ABCC12: variants seen among roughly 807,000 people sequenced by gnomAD.
The protein encoded by ABCC12 is ATP-binding cassette sub-family C member 12.
A neutral mutation model predicts 151.1 loss-of-function variants in ABCC12; 142 were observed. The observed-to-expected ratio is 0.94, with a 90% CI of 0.82 to 1.08. The LOEUF (loss-of-function observed/expected upper bound fraction) is 1.08. Among genes scored for constraint, ABCC12 ranks in the 50% least tolerant of loss-of-function variants. The probability of loss-of-function intolerance (pLI) is 0.00; values close to 1 mark genes in which losing one functional copy is unlikely to be tolerated. For missense variants in ABCC12, 1,638 were observed against 1,691.1 expected, an observed-to-expected ratio of 0.97 and a Z score of 0.55; for synonymous variants, 645 against 646.4, an observed-to-expected ratio of 1.00 and a Z score of 0.03.
intron 23 of ABCC12, 24 bp downstream of exon 23, chr16:48,100,848 G>T: frequency 6.2e-7 from 1 of 1,611,488 alleles, no homozygotes; most frequent in Non-Finnish European, 8.5e-7. Context: ...GGGGGCCTGG[G>T]GCAGGGCCCC....
Position 48,081,307 on chromosome 16 carries a change from C to T in ABCC12, c.*2408G>A, listed in dbSNP as rs542381853. On this transcript the variant is annotated 3_prime_UTR_variant, in exon 31 of 31. Coordinates refer to ENST00000311303, the MANE Select transcript of ABCC12 (RefSeq NM_001393797.1). ...CATAGTCTCCCCTTGGCTGACATGG[C>T]AGTGATAGCAAGGGGTTGGGGTGGG... 2.0e-4 allele frequency among the ~76,000 whole-genome samples: 31 copies of T among 152,260 alleles called. No individual in the cohort carries two copies. The highest frequency in any genetic ancestry group is 6.8e-3 in the Middle Eastern group (2 of 294).
intron 19 of ABCC12, 49 bp from the exon 20 acceptor site, chr16:48,107,474 G>T (rs769062365): frequency 6.5e-6 from 10 of 1,535,538 alleles, no homozygotes; most frequent in Non-Finnish European, 9.0e-6. Context: ...TGAGCACATG[G>T]CAGGGGCTGA....
At chr16:48,089,991 A>G (rs1478210864) in intron 25 of ABCC12, among the ~76,000 whole-genome samples, 2 of 150,776 alleles carry the variant, frequency 1.3e-5, no homozygotes, top group African/African-American at 5.0e-5. Context: ...TCATTGAGGT[A>G]CTTAAAAAGA....
Position 48,087,870 on chromosome 16 carries a change from G to A in ABCC12, c.3635+56C>T, listed in dbSNP as rs1962687690. 5.1e-6 allele frequency: 8 copies of A among 1,569,934 alleles called. No individual in the cohort carries two copies. In the Admixed American group the frequency reaches 6.9e-5, roughly 14 times the overall value. Reference sequence around the variant, plus strand: ...CCCTGGGGACATCACAAAGTTCTTGGTCAGTCTGATTTCACTCTCCAAAAA... The same window carrying A: ...CCCTGGGGACATCACAAAGTTCTTGATCAGTCTGATTTCACTCTCCAAAAA... On this transcript the variant is annotated intron_variant, in intron 27 of 30. Transcript: ENST00000311303.
At chr16:48,116,708 C>T (rs1326265091) in intron 14 of ABCC12, among the ~76,000 whole-genome samples, 5 of 152,186 alleles carry the variant, frequency 3.3e-5, no homozygotes, top group Non-Finnish European at 7.3e-5. Flanking sequence ...CTTTAGCCTT[C>T]TGATCTCCTC....
rs1163015315 is a variant in ABCC12, at chr16:48,114,918, C to T, written c.1989+497G>A. ...AGAGAGAGCTTCCCCAAAGCCTCAG[C>T]CTTAGTCCCAAAGTCCTGGCTTCAA... On this transcript the variant is annotated intron_variant, in intron 15 of 30. Coordinates refer to ENST00000311303, the MANE Select transcript of ABCC12 (RefSeq NM_001393797.1). 2.0e-5 allele frequency among the ~76,000 whole-genome samples: 3 copies of T among 152,210 alleles called. No individual in the cohort carries two copies. The East Asian group carries it at 5.8e-4, about 29-fold the overall frequency.
chr16:48,084,620 CCTT>C (rs1321159659), intron 29 of ABCC12, among the ~76,000 whole-genome samples: 1 of 152,232 alleles, frequency 6.6e-6, no homozygotes, highest in African/African-American at 2.4e-5. Flanking sequence ...CATCACAGCT[CCTT>C]CTCTCTTTGA....
At chr16:48,151,801 A>C (rs1314621536) in intron 2 of ABCC12, among the ~76,000 whole-genome samples, 1 of 152,248 alleles carries the variant, frequency 6.6e-6, no homozygotes, top group Non-Finnish European at 1.5e-5. Flanking sequence ...CATAAGTTTA[A>C]GAATCTAAAG....
intron 15 of ABCC12, among the ~76,000 whole-genome samples, chr16:48,112,194 G>A (rs1963721150): frequency 6.6e-6 from 1 of 152,136 alleles, no homozygotes; most frequent in South Asian, 2.1e-4. Flanking sequence ...CATTCATCTA[G>A]TACCCACAGG....
chr16:48,088,251 C>A (rs1463873875), intron 26 of ABCC12, among the ~76,000 whole-genome samples, 166 bp from the exon 27 acceptor site: 1 of 152,196 alleles, frequency 6.6e-6, no homozygotes, highest in Admixed American at 6.5e-5. Context: ...GGATGGGCTA[C>A]CCTGACACAG....
chr16:48,110,769 C>T (rs980741316), intron 18 of ABCC12, among the ~76,000 whole-genome samples: 3 of 152,108 alleles, frequency 2.0e-5, no homozygotes, highest in Admixed American at 2.0e-4. Context: ...GCCTCCCTGA[C>T]ATGTTTGTTT....
chr16:48,118,113 C>T (rs1412642961), intron 13 of ABCC12, among the ~76,000 whole-genome samples: 1 of 152,172 alleles, frequency 6.6e-6, no homozygotes, highest in Admixed American at 6.5e-5. Context: ...AGCGCCCTAT[C>T]CTGCAAAAAG....
At chr16:48,091,282 G>A in intron 24 of ABCC12, 73 bp from the exon 25 acceptor site, 1 of 1,363,564 alleles carries the variant, frequency 7.3e-7, no homozygotes, top group South Asian at 1.2e-5. Context: ...CCGTTCAGGA[G>A]GCAGTCCTAG....
intron 24 of ABCC12, 37 bp from the exon 25 acceptor site, chr16:48,091,246 C>G: frequency 6.3e-7 from 1 of 1,592,556 alleles, no homozygotes. Context: ...GTTAGAGCCC[C>G]TTCCTCCTTC....
intron 24 of ABCC12, among the ~76,000 whole-genome samples, chr16:48,092,044 G>C (rs1962920503): frequency 6.6e-6 from 1 of 152,200 alleles, no homozygotes; most frequent in African/African-American, 2.4e-5. Flanking sequence ...CAAGACAAGA[G>C]ATGCCAGGGA....
intron 12 of ABCC12, among the ~76,000 whole-genome samples, chr16:48,122,665 G>A (rs1406516373): frequency 6.6e-6 from 1 of 152,180 alleles, no homozygotes; most frequent in Non-Finnish European, 1.5e-5. Flanking sequence ...GCCGAAGGAT[G>A]TGATGCCACT....
At chr16:48,105,391 C>A in intron 20 of ABCC12, 55 bp from the exon 21 acceptor site, 2 of 1,517,298 alleles carry the variant, frequency 1.3e-6, no homozygotes, top group South Asian at 2.4e-5. Context: ...GCCAGGAGAA[C>A]AGGAATTTTC....
In ABCC12 at chr16:48,104,020, T is replaced by C. The variant is rs570609808; in HGVS notation, c.2900+122A>G. On this transcript the variant is annotated intron_variant, in intron 22 of 30. Coordinates refer to ENST00000311303, the MANE Select transcript of ABCC12 (RefSeq NM_001393797.1). ...TGCAAAGCACCTGGCATTTACTAAG[T>C]ACAAAAAAAATCAATGGTAGACCAT... The C allele has an allele frequency of 4.8e-3, 5,119 of 1,071,286 alleles. 23 individuals are homozygous for C. The highest frequency in any genetic ancestry group is 6.0e-3 in the Non-Finnish European group (4,515 of 755,522). The allele number at this position is 1,071,286 out of a possible 1,614,324, so 66.4% of individuals were successfully genotyped here.
chr16:48,145,081 C>T (rs1200876737), intron 3 of ABCC12, among the ~76,000 whole-genome samples: 3 of 152,062 alleles, frequency 2.0e-5, no homozygotes, highest in Admixed American at 6.5e-5. Flanking sequence ...CTCCACAAAG[C>T]GATTATAAAC....
Sources: allele counts gnomAD v4.1 joint callset (sites outside exome capture counted in the v4.1 genomes callset), GRCh38; gene constraint gnomAD v4.1.1; transcripts MANE v1.5; gene names NCBI Gene and HGNC (gene_info 2026-07-23, HGNC 2026-07-21).